PHKB: variants seen among roughly 807,000 people sequenced by gnomAD.
The protein encoded by PHKB is phosphorylase kinase regulatory subunit beta, also known as phosphorylase b kinase regulatory subunit beta.
PHKB carries 122 observed loss-of-function variants against 152.1 expected under a neutral mutation model. The ratio of observed to expected loss-of-function variants is 0.80; its 90% confidence interval spans 0.69 to 0.93. The LOEUF is 0.93. Ranked by LOEUF, PHKB falls within the 40% of genes least tolerant of loss-of-function variation. PHKB has a pLI of 0.00. For synonymous variants in PHKB, 436 were observed against 464.9 expected (o/e 0.94, Z 0.80); for missense variants, 1,304 against 1,328.4 (o/e 0.98, Z 0.29).
At chr16:47,483,612 C>T (rs1970002814) in intron 1 of PHKB, among the ~76,000 whole-genome samples, 1 of 152,142 alleles carries the variant, frequency 6.6e-6, no homozygotes, top group African/African-American at 2.4e-5. Flanking sequence ...TTGGTCAAAT[C>T]GTTTTTTAAT....
chr16:47,481,091 G>A (rs1304077162), intron 1 of PHKB, among the ~76,000 whole-genome samples: 5 of 152,098 alleles, frequency 3.3e-5, no homozygotes, highest in Admixed American at 2.0e-4. Context: ...CTCTCCCAAG[G>A]GTCGTGAGTT....
rs189617434 is a variant in PHKB at position 47,549,456 on chromosome 16, G to A, written c.710+1908G>A. 3.6e-3 allele frequency among the ~76,000 whole-genome samples: 547 copies of A among 152,232 alleles called. 1 individual carries two copies. Among genetic ancestry groups the A allele is most frequent in the African/African-American group, 0.012 (501 of 41,532 alleles). On this transcript the variant is annotated intron_variant, in intron 7 of 30. Transcript: ENST00000323584. ...CTGTAATCCAACACTTTGGGAGGCC[G>A]AGGCGGGCAGATCACCTGACACCGG...
intron 26 of PHKB, among the ~76,000 whole-genome samples, chr16:47,682,620 CT>C (rs1973882684): frequency 6.6e-6 from 1 of 152,196 alleles, no homozygotes; most frequent in South Asian, 2.1e-4. Context: ...CCATCAGGTC[CT>C]TTAAGGACTT....
Position 47,547,173 on chromosome 16 carries a change from C to T in PHKB, c.595-260C>T, listed in dbSNP as rs149229765. 3.3e-4 allele frequency among the ~76,000 whole-genome samples: 50 copies of T among 152,306 alleles called. No homozygotes were observed. The East Asian group carries it at 6.2e-3, about 19-fold the overall frequency. On this transcript the variant is annotated intron_variant, in intron 6 of 30. Coordinates refer to ENST00000323584, the MANE Select transcript of PHKB (RefSeq NM_000293.3). ...ATCTCAGTTGGAAATGCAGAAATCA[C>T]CCGTCTTCTGTGTTGATCATGCTGG...
At chr16:47,665,950 T>C (rs1299640292) in intron 25 of PHKB, 1 of 1,613,652 alleles carries the variant, frequency 6.2e-7, no homozygotes, top group Non-Finnish European at 8.5e-7. Flanking sequence ...AGGTCGGTTG[T>C]ACGCCGTGCA....
chr16:47,558,020 G>A (rs973580855), intron 7 of PHKB, among the ~76,000 whole-genome samples: 28 of 151,514 alleles, frequency 1.8e-4, no homozygotes, highest in African/African-American at 6.8e-4. Flanking sequence ...TTAAGAAAAT[G>A]TGGCACATAT....
At chr16:47,530,894 A>G (rs1970850903) in intron 6 of PHKB, among the ~76,000 whole-genome samples, 1 of 152,230 alleles carries the variant, frequency 6.6e-6, no homozygotes, top group African/African-American at 2.4e-5. Flanking sequence ...TAATCTCTAA[A>G]CTCAACAAAA....
intron 1 of PHKB, among the ~76,000 whole-genome samples, chr16:47,465,948 T>C (rs1033892543): frequency 1.3e-5 from 2 of 152,342 alleles, no homozygotes; most frequent in Middle Eastern, 3.4e-3. Flanking sequence ...TATCCAGTAT[T>C]GCCAAAAGTG....
intron 14 of PHKB, among the ~76,000 whole-genome samples, chr16:47,611,221 T>G (rs2151709431): frequency 6.6e-6 from 1 of 152,306 alleles, no homozygotes; most frequent in East Asian, 1.9e-4. Flanking sequence ...GACCAATGAC[T>G]GAAGGGAGTG....
chr16:47,562,848 A>T (rs1971499102), intron 7 of PHKB, among the ~76,000 whole-genome samples: 1 of 152,214 alleles, frequency 6.6e-6, no homozygotes, highest in African/African-American at 2.4e-5. Flanking sequence ...TCAAAATCAG[A>T]GTCAGTCCTC....
chr16:47,630,248 G>A lies in PHKB; in HGVS notation c.1459-10787G>A, dbSNP rs139219282. Among the ~76,000 whole-genome samples, 1,114 of 152,184 alleles carry A rather than the reference G, an allele frequency of 7.3e-3. 15 individuals carry two copies. Among genetic ancestry groups the A allele is most frequent in the African/African-American group, 0.025 (1,019 of 41,544 alleles). ...TGTAATCGTAGCACTTTGGGAGGCC[G>A]AGGTGGGCAGATCACCTGAGGTCAG... On this transcript the variant is annotated intron_variant, in intron 14 of 30. Coordinates refer to ENST00000323584, the MANE Select transcript of PHKB (RefSeq NM_000293.3).
At chr16:47,649,865 G>A (rs1311492648) in intron 18 of PHKB, among the ~76,000 whole-genome samples, 1 of 150,572 alleles carries the variant, frequency 6.6e-6, no homozygotes, top group Non-Finnish European at 1.5e-5. Flanking sequence ...TATTATGTAA[G>A]TTTTTGATGT....
intron 13 of PHKB, among the ~76,000 whole-genome samples, chr16:47,605,046 T>C (rs569593704): frequency 6.6e-6 from 1 of 152,324 alleles, no homozygotes; most frequent in East Asian, 1.9e-4. Context: ...TCCTGAATGA[T>C]AAAAATCAAT....
At chr16:47,546,815 C>T (rs1050692271) in intron 6 of PHKB, among the ~76,000 whole-genome samples, 1 of 152,082 alleles carries the variant, frequency 6.6e-6, no homozygotes, top group African/African-American at 2.4e-5. Flanking sequence ...CAATGGTGGA[C>T]CCCCCTCCCC....
At chr16:47,518,017 A>G (rs1970626329) in intron 6 of PHKB, among the ~76,000 whole-genome samples, 1 of 152,192 alleles carries the variant, frequency 6.6e-6, no homozygotes, top group Admixed American at 6.5e-5. Flanking sequence ...AGAGGATTCA[A>G]TTCTTTGAAA....
At chr16:47,612,094 G>T (rs573526175) in intron 14 of PHKB, among the ~76,000 whole-genome samples, 1 of 152,182 alleles carries the variant, frequency 6.6e-6, no homozygotes, top group Non-Finnish European at 1.5e-5. Flanking sequence ...GTGTTTGTAG[G>T]TACAGTGCAA....
chr16:47,693,278 A>C (rs1974093396), intron 27 of PHKB, 100 bp from the exon 28 acceptor site: 1 of 1,245,632 alleles, frequency 8.0e-7, no homozygotes, highest in Non-Finnish European at 1.2e-6. Flanking sequence ...TTTGGCTTTT[A>C]TTTCTTACCC....
chr16:47,500,326 G>A (rs141936952), intron 3 of PHKB, among the ~76,000 whole-genome samples: 1 of 152,168 alleles, frequency 6.6e-6, no homozygotes, highest in Non-Finnish European at 1.5e-5. Context: ...GAACCACCAT[G>A]CCCAGCCTAA....
chr16:47,677,031 C>T (rs925272005), intron 26 of PHKB, among the ~76,000 whole-genome samples: 5 of 152,274 alleles, frequency 3.3e-5, no homozygotes, highest in Non-Finnish European at 4.4e-5. Flanking sequence ...ATCACACATC[C>T]GAAGCTTAGA....
Sources: gnomAD v4.1 joint callset for allele counts (sites outside exome capture counted in the v4.1 genomes callset) on GRCh38, gnomAD v4.1.1 for gene constraint, MANE v1.5 for transcripts, NCBI Gene and HGNC (gene_info 2026-07-23, HGNC 2026-07-21) for gene names.